Variants in LOC128462377 observed in about 807,000 individuals in gnomAD.
chr16:89,363,432 AACCTGC>A, the LOC128462377 span, among the ~76,000 whole-genome samples: 1 of 152,140 alleles, frequency 6.6e-6, no homozygotes, highest in Non-Finnish European at 1.5e-5. Context: ...ATATGTAACA[AACCTGC>A]ACGTTGTGCA....
the LOC128462377 span, among the ~76,000 whole-genome samples, chr16:89,403,967 G>A: frequency 6.6e-6 from 1 of 152,180 alleles, no homozygotes; most frequent in Non-Finnish European, 1.5e-5. Flanking sequence ...ATAGGGCACA[G>A]AAAGGAGCAA....
At chr16:89,337,987 G>A in the LOC128462377 span, among the ~76,000 whole-genome samples, 1 of 152,190 alleles carries the variant, frequency 6.6e-6, no homozygotes, top group Non-Finnish European at 1.5e-5. Flanking sequence ...CGGGTGACAA[G>A]CAACACAGTG....
chr16:89,373,991 C>T, the LOC128462377 span, among the ~76,000 whole-genome samples: 6 of 152,354 alleles, frequency 3.9e-5, no homozygotes, highest in Admixed American at 3.3e-4. Context: ...AAGGGTCTGA[C>T]GACCACAATA....
the LOC128462377 span, among the ~76,000 whole-genome samples, chr16:89,414,366 C>T: frequency 2.6e-5 from 4 of 152,076 alleles, no homozygotes; most frequent in Non-Finnish European, 5.9e-5. Context: ...GTCAGCAGTC[C>T]GCTGTCACTC....
At chr16:89,377,987 G>T in the LOC128462377 span, among the ~76,000 whole-genome samples, 30 of 152,028 alleles carry the variant, frequency 2.0e-4, no homozygotes, top group Admixed American at 1.4e-3. Context: ...TCTTCCTTAT[G>T]ATTTTCTTAA....
At chr16:89,358,131 G>T in the LOC128462377 span, among the ~76,000 whole-genome samples, 1 of 152,126 alleles carries the variant, frequency 6.6e-6, no homozygotes, top group Non-Finnish European at 1.5e-5. Flanking sequence ...TAACAACCAG[G>T]GTGGCTGGAG....
the LOC128462377 span, among the ~76,000 whole-genome samples, chr16:89,347,922 G>A: frequency 6.6e-6 from 1 of 151,794 alleles, no homozygotes; most frequent in Non-Finnish European, 1.5e-5. Flanking sequence ...CTTTCCTCAT[G>A]AATAGGTATG....
At chr16:89,352,274 T>C in the LOC128462377 span, among the ~76,000 whole-genome samples, 2 of 151,862 alleles carry the variant, frequency 1.3e-5, no homozygotes, top group Admixed American at 1.3e-4. Flanking sequence ...AAGGACTGGA[T>C]CTCACAGTGG....
the LOC128462377 span, among the ~76,000 whole-genome samples, chr16:89,344,613 A>G: frequency 6.6e-6 from 1 of 152,208 alleles, no homozygotes. Flanking sequence ...GTCCGGGAGG[A>G]CACTCCAGGC....
At chr16:89,388,713 A>C in the LOC128462377 span, among the ~76,000 whole-genome samples, 1,861 of 152,104 alleles carry the variant, frequency 0.012, 28 homozygotes, top group African/African-American at 0.043. Flanking sequence ...CATCCACACA[A>C]AGAAGAGCCG....
the LOC128462377 span, among the ~76,000 whole-genome samples, chr16:89,405,524 G>T: frequency 6.7e-6 from 1 of 148,860 alleles, no homozygotes; most frequent in African/African-American, 2.5e-5. Flanking sequence ...GTAGAGACAG[G>T]GTTCTCACTA....
the LOC128462377 span, among the ~76,000 whole-genome samples, chr16:89,356,688 G>A: frequency 6.6e-6 from 1 of 150,946 alleles, no homozygotes. Flanking sequence ...GGCTGAGGCA[G>A]GAGAATGGTA....
chr16:89,387,084 G>C, the LOC128462377 span, among the ~76,000 whole-genome samples: 1 of 152,162 alleles, frequency 6.6e-6, no homozygotes, highest in African/African-American at 2.4e-5. Flanking sequence ...GAAGGCCCCA[G>C]TGACATGGAG....
the LOC128462377 span, among the ~76,000 whole-genome samples, chr16:89,408,785 A>G: frequency 6.6e-6 from 1 of 152,108 alleles, no homozygotes; most frequent in Non-Finnish European, 1.5e-5. Flanking sequence ...CTTCCTAAAC[A>G]TCTTTTGAGG....
the LOC128462377 span, among the ~76,000 whole-genome samples, chr16:89,364,534 G>A: frequency 6.6e-6 from 1 of 152,128 alleles, no homozygotes; most frequent in African/African-American, 2.4e-5. Flanking sequence ...TCAAAACAGC[G>A]CTGAGCACAG....
the LOC128462377 span, among the ~76,000 whole-genome samples, chr16:89,378,121 G>A: frequency 1.3e-5 from 2 of 152,106 alleles, no homozygotes; most frequent in African/African-American, 2.4e-5. Flanking sequence ...AGGCCGAGGC[G>A]GAAGGATCAC....
the LOC128462377 span, among the ~76,000 whole-genome samples, chr16:89,413,637 A>T: frequency 1.7e-4 from 26 of 152,274 alleles, no homozygotes; most frequent in African/African-American, 6.3e-4. Context: ...AGAAAAAAAT[A>T]AAGGAAATGG....
the LOC128462377 span, among the ~76,000 whole-genome samples, chr16:89,362,745 T>C: frequency 6.6e-6 from 1 of 152,266 alleles, no homozygotes; most frequent in Non-Finnish European, 1.5e-5. Flanking sequence ...GGCATGCTTA[T>C]ACTGGTCGAA....
At chr16:89,337,007 CAAAAAAAAA>C in the LOC128462377 span, among the ~76,000 whole-genome samples, 31 of 47,742 alleles carry the variant, frequency 6.5e-4, no homozygotes, top group African/African-American at 1.5e-3. Context: ...CTGGCTCTAC[CAAAAAAAAA>C]AAAAAAAAAA....
Sources: gnomAD v4.1 joint callset for allele counts (sites outside exome capture counted in the v4.1 genomes callset) on GRCh38, gnomAD v4.1.1 for gene constraint, MANE v1.5 for transcripts.